EP400: variants seen among roughly 807,000 people sequenced by gnomAD.
EP400 encodes the protein E1A binding protein p400.
EP400 carries 105 observed loss-of-function variants against 354.1 expected under a neutral mutation model. The ratio of observed to expected loss-of-function variants is 0.30; its 90% CI spans 0.25 to 0.35. EP400 has a LOEUF of 0.35. Among genes scored for constraint, EP400 ranks in the 10% least tolerant of loss-of-function variants. EP400 has a pLI of 1.00. For missense variants in EP400, 3,280 were observed against 4,121.0 expected, an observed-to-expected ratio of 0.80 and a Z score of 5.59; for synonymous variants, 1,646 against 1,716.9, an observed-to-expected ratio of 0.96 and a Z score of 1.02.
chr12:132,044,336 C>T (rs1895013604), intron 35 of EP400, 25 bp downstream of exon 35: 2 of 1,602,756 alleles, frequency 1.2e-6, no homozygotes, highest in Non-Finnish European at 1.7e-6. Context: ...GCCCTCCTGC[C>T]CTCTTGCCCC....
In EP400 at chr12:131,960,765, C is replaced by A; in HGVS notation, c.146C>A (p.Ser49Ter). ...AAPFAPSASPSAPQSPSYQIQ... is the reference protein window; with the variant it reads ...AAPFAPSASP ...CCCTTCGCTCCCTCAGCAAGCCCGT[C>A]GGCACCCCAGTCTCCCAGTTATCAA... Residue 49 changes from serine to a stop codon, truncating the protein, a stop_gained, in exon 2 of 53, where the codon TCG becomes TAG. Coordinates refer to ENST00000389561, the MANE Select transcript of EP400 (RefSeq NM_015409.5). LOFTEE classifies it high-confidence loss of function. 6.2e-7 allele frequency: 1 copy of A among 1,611,652 alleles called. No homozygotes were observed. The highest frequency in any genetic ancestry group is 8.5e-7 in the Non-Finnish European group (1 of 1,179,724).
chr12:132,016,058 G>A (rs1247787930), intron 19 of EP400, among the ~76,000 whole-genome samples: 1 of 152,216 alleles, frequency 6.6e-6, no homozygotes, highest in Admixed American at 6.5e-5. Context: ...TCTGTTACCA[G>A]CCAGTTCATA....
At chr12:131,963,623 C>T in intron 2 of EP400, 1 of 1,598,126 alleles carries the variant, frequency 6.3e-7, no homozygotes, top group Non-Finnish European at 8.5e-7. Flanking sequence ...GCTTTTTCAT[C>T]CCAGCAGCAA....
chr12:131,960,707 G>GGGGCCCC lies in EP400; in HGVS notation c.88_89insGGGCCCC (p.Ala30GlyfsTer37). Reference sequence around the variant, plus strand: ...TGGCAGCGAGGGTGAGGAGCAGCCGGCCCACCCCAACCCACCCCCGTCCCC... The same window carrying GGGGCCCC: ...TGGCAGCGAGGGTGAGGAGCAGCCGGGGGCCCCCCCACCCCAACCCACCCCCGTCCCC... On this transcript the variant is annotated frameshift_variant, in exon 2 of 53. Coordinates refer to ENST00000389561, the MANE Select transcript of EP400 (RefSeq NM_015409.5). LOFTEE classifies it high-confidence loss of function. 5 of 1,545,526 alleles carry GGGGCCCC rather than the reference G, an allele frequency of 3.2e-6. No homozygotes were observed. The highest frequency in any genetic ancestry group is 4.4e-6 in the Non-Finnish European group (5 of 1,146,190).
rs1894020352 is a variant in EP400, at chr12:132,018,539, A to G, written c.4277+163A>G. Among the ~76,000 whole-genome samples the G allele has an allele frequency of 6.6e-6, 1 of 152,242 alleles. No homozygotes were observed. Among genetic ancestry groups the G allele is most frequent in the Non-Finnish European group, 1.5e-5 (1 of 68,044 alleles). ...GGCTGTGGTATGCCTGGCTCTGCAG[A>G]TGCCTTTTAGGCTGTGTGGTGCAGT... On this transcript the variant is annotated intron_variant, in intron 21 of 52. Transcript: ENST00000389561. The surrounding 1 kb of genome is among the most constrained non-coding windows in gnomAD (Gnocchi z 4.0).
chr12:131,995,466 AGT>A (rs1893176542), intron 12 of EP400, among the ~76,000 whole-genome samples: 1 of 149,594 alleles, frequency 6.7e-6, no homozygotes, highest in Non-Finnish European at 1.5e-5. Flanking sequence ...GTTCATCTTG[AGT>A]GTGTGAGAAC....
At chr12:131,967,284 G>A (rs1437735485) in intron 2 of EP400, among the ~76,000 whole-genome samples, 3 of 151,906 alleles carry the variant, frequency 2.0e-5, no homozygotes, top group African/African-American at 7.3e-5. Flanking sequence ...GGGAGGCTGA[G>A]GTAGGAGAAT....
rs1895317921 is a variant in EP400, at chr12:132,052,275, T to C, written c.7395-871T>C. On this transcript the variant is annotated intron_variant, in intron 41 of 52. Coordinates refer to ENST00000389561, the MANE Select transcript of EP400 (RefSeq NM_015409.5). The surrounding 1 kb of genome is among the most constrained non-coding windows in gnomAD (Gnocchi z 4.4). ...CACAGTTGTCACACAGTGGCGGATT[T>C]GGGAGGCTTCCTCGTTCTGTGGCCC... 2.0e-5 allele frequency among the ~76,000 whole-genome samples: 3 copies of C among 152,202 alleles called. 1 individual carries two copies. The South Asian group carries it at 6.2e-4, about 31-fold the overall frequency.
Position 132,021,102 on chromosome 12 carries a change from T to C in EP400, c.4471T>C (p.Ser1491Pro). 6.3e-7 allele frequency: 1 copy of C among 1,599,718 alleles called. No individual in the cohort carries two copies. The highest frequency in any genetic ancestry group is 1.1e-5 in the South Asian group (1 of 90,942). ...AKAAAAPFQT[S>P]QASASAPRHQ... is the part of the protein sequence containing the mutation. Reference sequence around the variant, plus strand: ...AGCAGCAGCAGCCCCGTTTCAGACCTCTCAGGCTTCCGCCAGTGCTCCACG... The same window carrying C: ...AGCAGCAGCAGCCCCGTTTCAGACCCCTCAGGCTTCCGCCAGTGCTCCACG... The change falls in exon 23 of 53, where the codon TCT becomes CCT. Residue 1491 changes from serine to proline, a missense_variant. Physicochemically the swap from Ser to Pro is moderately conservative, Grantham distance 74 (BLOSUM62 -1). Around this residue, in one of 20 missense-constraint regions of EP400, gnomAD observed 342 missense variants for 342.7 expected, o/e 1.00. Coordinates refer to ENST00000389561, the MANE Select transcript of EP400 (RefSeq NM_015409.5).
At chr12:131,978,995 T>TC (rs1892581915) in intron 2 of EP400, among the ~76,000 whole-genome samples, 1 of 152,114 alleles carries the variant, frequency 6.6e-6, no homozygotes, top group Admixed American at 6.5e-5. Context: ...GGCAGGCGGA[T>TC]CATGAGGTCA....
Position 131,952,812 on chromosome 12 carries a change from C to T in EP400, c.-36+2776C>T, listed in dbSNP as rs149961456. On this transcript the variant is annotated intron_variant, in intron 1 of 52. Coordinates refer to ENST00000389561, the MANE Select transcript of EP400 (RefSeq NM_015409.5). The stretch of plus-strand genomic sequence containing the variant: ...TGAACGTACCGGTTTGTCTGTTGCC[C>T]GCTGATGGACCATTTGGATTGTTTC... 1.1e-4 allele frequency among the ~76,000 whole-genome samples: 17 copies of T among 152,154 alleles called. No homozygotes were observed. The East Asian group carries it at 2.3e-3, about 21-fold the overall frequency.
intron 22 of EP400, 138 bp downstream of exon 22, chr12:132,020,356 G>A: frequency 9.9e-7 from 1 of 1,005,486 alleles, no homozygotes. Flanking sequence ...CTTTCTGAAG[G>A]TGCCTTGTTT....
In EP400 at chr12:132,043,746, T is replaced by C. The variant is rs1336887340; in HGVS notation, c.6450+18T>C. On this transcript the variant is annotated intron_variant, in intron 34 of 52. Transcript: ENST00000389561. Reference sequence around the variant, plus strand: ...ACAGTGAGGTAAGAGAATCAACTTTTGGTCAGTGAAAAAAATTTGCAATAT... The same window carrying C: ...ACAGTGAGGTAAGAGAATCAACTTTCGGTCAGTGAAAAAAATTTGCAATAT... 3 of 1,585,204 alleles carry C rather than the reference T, an allele frequency of 1.9e-6. No individual in the cohort carries two copies. The highest frequency in any genetic ancestry group is 1.9e-5 in the Admixed American group (1 of 51,552).
At position 131,995,128 on chromosome 12, in the gene EP400, C is replaced by T. The variant is rs552707738; in HGVS notation, c.2827+172C>T. 262 of 582,722 alleles carry T rather than the reference C, an allele frequency of 4.5e-4. 1 individual carries two copies. In the African/African-American group the frequency reaches 4.6e-3, roughly 10 times the overall value. The allele number at this position is 582,722 out of a possible 1,614,324, so 36.1% of individuals were successfully genotyped here. A position where few individuals can be genotyped will look rare whatever the true frequency, so the allele number is the denominator to read the frequency against. ...CTCCTGACCTGGAGGTCCTGGCCCT[C>T]CTGGGTTGTGTGTCGGACACTGCCC... On this transcript the variant is annotated intron_variant, in intron 12 of 52. Transcript: ENST00000389561.
Position 132,069,553 on chromosome 12 carries a change from A to C in EP400, c.8933A>C (p.Gln2978Pro). 1 of 1,614,242 alleles carries C rather than the reference A, an allele frequency of 6.2e-7. No individual in the cohort carries two copies. The highest frequency in any genetic ancestry group is 1.1e-5 in the South Asian group (1 of 91,092). ...CAGCAGAAGGTTGCCTACGCCGCGC[A>C]GCCGGCCCTTAAGACCCAGTTTCTT... ...GAQQKVAYAA[Q>P]PALKTQFLTT... Residue 2978 changes from glutamine to proline, a missense_variant, in exon 51 of 53, where the codon CAG (glutamine) becomes CCG (proline). Transcript: ENST00000389561.
rs1895337738 is a variant in EP400, at chr12:132,052,681, T to C, written c.7395-465T>C. Among the ~76,000 whole-genome samples the C allele has an allele frequency of 6.6e-6, 1 of 152,080 alleles. No homozygotes were observed. Among genetic ancestry groups the C allele is most frequent in the Non-Finnish European group, 1.5e-5 (1 of 68,032 alleles). On this transcript the variant is annotated intron_variant, in intron 41 of 52. Transcript: ENST00000389561. This position sits in a 1 kb window ranked among gnomAD's most constrained non-coding sequence, Gnocchi z 4.4. ...GTTGTCGATTAAATGAAGAGTTAATTCACCCTACTAATATTTATGGACCGC... is the reference window on the plus strand; with the variant it reads ...GTTGTCGATTAAATGAAGAGTTAATCCACCCTACTAATATTTATGGACCGC...
chr12:132,053,025 G>T, intron 41 of EP400, 121 bp from the exon 42 acceptor site: 1 of 1,019,376 alleles, frequency 9.8e-7, no homozygotes, highest in South Asian at 1.4e-5. Context: ...CTTGCTTTAC[G>T]CCCTCATCTC....
At position 131,986,768 on chromosome 12, in the gene EP400, A is replaced by C; in HGVS notation, c.2184A>C (p.Gln728His). The C allele has an allele frequency of 1.2e-6, 2 of 1,614,058 alleles. No homozygotes were observed. The highest frequency in any genetic ancestry group is 1.7e-4 in the Middle Eastern group (1 of 6,060). Residue 728 changes from glutamine to histidine, a missense_variant, in exon 6 of 53, where the codon CAA becomes CAC. Transcript: ENST00000389561. ...CTGCTCAGAATGCCACCTCGTCCCA[A>C]GACAGTTCTCAGGATACGCTGACAG... ...QSPAQNATSSQDSSQDTLTEQ... is the reference protein window; with the variant it reads ...QSPAQNATSSHDSSQDTLTEQ...
chr12:132,046,905 C>G (rs1895116765), intron 39 of EP400, among the ~76,000 whole-genome samples: 1 of 152,256 alleles, frequency 6.6e-6, no homozygotes, highest in African/African-American at 2.4e-5. Context: ...GTGGGGACCA[C>G]CGCCTTTCAG....
Sources: gnomAD v4.1 joint callset for allele counts (sites outside exome capture counted in the v4.1 genomes callset) on GRCh38, gnomAD v4.1.1 for gene constraint, gnomAD v4.1.1 regional missense constraint, Gnocchi (gnomAD v3.1) non-coding constraint, MANE v1.5 for transcripts, NCBI Gene and HGNC (gene_info 2026-07-23, HGNC 2026-07-21) for gene names.